PRKDC: variants seen among roughly 807,000 people sequenced by gnomAD.
The protein encoded by PRKDC is protein kinase, DNA-activated, catalytic subunit, also known as DNA-dependent protein kinase catalytic subunit.
PRKDC carries 82 observed loss-of-function variants against 486.9 expected under a neutral mutation model. The ratio of observed to expected loss-of-function variants is 0.17; its 90% CI spans 0.14 to 0.20. The LOEUF (loss-of-function observed/expected upper bound fraction) is 0.20, where lower values mean the gene tolerates loss of function less well. Among genes scored for constraint, PRKDC ranks in the 10% least tolerant of loss-of-function variants. The pLI is 1.00. For synonymous variants in PRKDC, 1,895 were observed against 1,837.0 expected (o/e 1.03, Z -0.81); for missense variants, 4,504 against 5,038.2 (o/e 0.89, Z 3.21).
At position 47,953,837 on chromosome 8, in the gene PRKDC, G is replaced by A; in HGVS notation, c.591C>T (p.Phe197=). 6.4e-7 allele frequency: 1 copy of A among 1,571,578 alleles called. No individual in the cohort carries two copies. The highest frequency in any genetic ancestry group is 8.6e-7 in the Non-Finnish European group (1 of 1,156,280). ...SEMINNAENL[F]RAFLGELKTQ... is the part of the protein sequence containing the mutation. ...TCTTAAGTTCACCCAGAAAAGCGCG[G>A]AACAGGTTTTCTGCATTATTTATCA... The change falls in exon 6 of 86, where the codon TTC becomes TTT. Residue 197 remains phenylalanine (F), a synonymous_variant. Transcript: ENST00000314191.
At chr8:47,957,071 A>G in intron 3 of PRKDC, 100 bp downstream of exon 3, 1 of 793,564 alleles carries the variant, frequency 1.3e-6, no homozygotes, top group Non-Finnish European at 1.9e-6. Context: ...ATGAGAAAGG[A>G]AAATGTTTTA....
intron 78 of PRKDC, among the ~76,000 whole-genome samples, chr8:47,783,399 C>A (rs901836021): frequency 6.6e-6 from 1 of 151,734 alleles, no homozygotes; most frequent in Non-Finnish European, 1.5e-5. Flanking sequence ...ACCAGCCTAG[C>A]CAACATGGTG....
rs996090132 is a variant in PRKDC at position 47,882,882 on chromosome 8, C to T, written c.4777-785G>A. On this transcript the variant is annotated intron_variant, in intron 36 of 85. Transcript: ENST00000314191. ...CTTTTCAATGTGTCTGTCATTAATT[C>T]GTCATCAAACTCTCCCAAGTTATGA... Among the ~76,000 whole-genome samples, 5 of 152,212 alleles carry T rather than the reference C, an allele frequency of 3.3e-5. 1 individual carries two copies. The highest frequency in any genetic ancestry group is 4.4e-5 in the Non-Finnish European group (3 of 68,038).
intron 40 of PRKDC, among the ~76,000 whole-genome samples, chr8:47,867,483 T>C (rs1268124471): frequency 6.6e-6 from 1 of 152,232 alleles, no homozygotes; most frequent in Non-Finnish European, 1.5e-5. Context: ...TGTATATCCT[T>C]AGATGGCATG....
At chr8:47,906,047 T>C (rs2089774461) in intron 25 of PRKDC, among the ~76,000 whole-genome samples, 2 of 152,228 alleles carry the variant, frequency 1.3e-5, no homozygotes, top group Admixed American at 6.5e-5. Flanking sequence ...ACCCTCATTA[T>C]ACATGAGAGT....
chr8:47,877,233 C>T (rs961263083), intron 40 of PRKDC, among the ~76,000 whole-genome samples: 6 of 152,148 alleles, frequency 3.9e-5, no homozygotes, highest in Non-Finnish European at 7.4e-5. Flanking sequence ...CAGTGAAATG[C>T]CATGTATGAA....
chr8:47,869,109 G>A (rs1263135608), intron 40 of PRKDC, among the ~76,000 whole-genome samples: 2 of 152,124 alleles, frequency 1.3e-5, no homozygotes, highest in African/African-American at 4.8e-5. Context: ...GACAACAATT[G>A]CAATTCTTGG....
intron 41 of PRKDC, among the ~76,000 whole-genome samples, chr8:47,864,083 TGAG>T (rs928787412): frequency 2.0e-5 from 3 of 152,136 alleles, no homozygotes; most frequent in Non-Finnish European, 4.4e-5. Context: ...GGCCTTGTGA[TGAG>T]GAGATTATTT....
Position 47,886,086 on chromosome 8 carries a change from C to G in PRKDC, c.4634G>C (p.Ser1545Thr). 6.2e-7 allele frequency: 1 copy of G among 1,613,612 alleles called. No individual in the cohort carries two copies. ...PAVLSTASLG[S>T]SQGSVIHFSH... is the part of the protein sequence containing the mutation. ...GAAGTGGATGACGCTGCCCTGTGAG[C>G]TGCCCAAGGACGCCGTGGACAGCAC... Residue 1545 changes from serine (S) to threonine (T), a missense_variant, in exon 36 of 86, where the codon AGC (serine) becomes ACC (threonine). By Grantham distance (58) the Ser-to-Thr change is moderately conservative. This residue lies in a region of PRKDC where 1,969 missense variants were observed against 2,068.9 expected (regional missense o/e 0.95). Transcript: ENST00000314191.
chr8:47,789,097 T>A (rs751524145), intron 75 of PRKDC, 48 bp from the exon 76 acceptor site: 1 of 1,612,784 alleles, frequency 6.2e-7, no homozygotes, highest in South Asian at 1.1e-5. Context: ...TAGATTGCAA[T>A]TAAGTTTTAC....
chr8:47,882,981 A>G (rs1424195430), intron 36 of PRKDC, among the ~76,000 whole-genome samples: 1 of 152,214 alleles, frequency 6.6e-6, no homozygotes, highest in African/African-American at 2.4e-5. Flanking sequence ...TTGATCTGCA[A>G]TGCTGGTGCT....
At chr8:47,774,727 G>A (rs943084323) in intron 85 of PRKDC, among the ~76,000 whole-genome samples, 1 of 151,950 alleles carries the variant, frequency 6.6e-6, no homozygotes, top group African/African-American at 2.4e-5. Flanking sequence ...AGAGTATGAG[G>A]AGTCCACCTT....
intron 68 of PRKDC, among the ~76,000 whole-genome samples, chr8:47,810,066 T>C (rs1228419199): frequency 6.6e-6 from 1 of 152,146 alleles, no homozygotes; most frequent in African/African-American, 2.4e-5. Context: ...CCCTGAAGTG[T>C]GCATGTGCAG....
intron 68 of PRKDC, among the ~76,000 whole-genome samples, chr8:47,807,609 G>A (rs965162048): frequency 4.6e-5 from 7 of 151,550 alleles, no homozygotes; most frequent in African/African-American, 1.5e-4. Context: ...TAGTAGAGAC[G>A]GGGTTTCACT....
intron 73 of PRKDC, 85 bp from the exon 74 acceptor site, chr8:47,794,586 A>G: frequency 8.3e-7 from 1 of 1,207,282 alleles, no homozygotes; most frequent in African/African-American, 1.5e-5. Flanking sequence ...AAATAAAGAA[A>G]ACTCAGAAGT....
chr8:47,835,563 G>A (rs2087996861), intron 58 of PRKDC, among the ~76,000 whole-genome samples: 1 of 122,594 alleles, frequency 8.2e-6, no homozygotes, highest in Non-Finnish European at 1.6e-5. Context: ...GTTGCAGTGA[G>A]CCAAGATCGT....
chr8:47,907,198 G>A (rs1056664626), intron 25 of PRKDC, among the ~76,000 whole-genome samples: 2 of 150,966 alleles, frequency 1.3e-5, no homozygotes, highest in African/African-American at 4.8e-5. Flanking sequence ...CCGCCACCAC[G>A]CCCGGCTAAT....
At position 47,957,299 on chromosome 8, in the gene PRKDC, A is replaced by T. The variant is rs2090720005; in HGVS notation, c.232-36T>A. 4 of 1,575,798 alleles carry T rather than the reference A, an allele frequency of 2.5e-6. No homozygotes were observed. The South Asian group carries it at 4.5e-5, about 18-fold the overall frequency. ...AGAGATACATATTGTAAATATGGGT[A>T]AGAGGAGTCACTCCAGGAATATACA... On this transcript the variant is annotated intron_variant, in intron 2 of 85. Transcript: ENST00000314191.
In PRKDC at chr8:47,858,877, C is replaced by T. The variant is rs748117775; in HGVS notation, c.6317G>A (p.Arg2106Lys). The change falls in exon 47 of 86, where the codon AGA becomes AAA. Residue 2106 changes from arginine to lysine, a missense_variant. Transcript: ENST00000314191. ...PLTALVKHMHRSLGPPQGEED... is the reference protein window; with the variant it reads ...PLTALVKHMHKSLGPPQGEED... ...TTCTCCTTGAGGCGGGCCCAGGCTT[C>T]TGTGCATGTGCTTGACCAGGGCCGT... 1 of 1,613,870 alleles carries T rather than the reference C, an allele frequency of 6.2e-7. No individual in the cohort carries two copies. The highest frequency in any genetic ancestry group is 8.5e-7 in the Non-Finnish European group (1 of 1,179,860).
Sources: allele counts gnomAD v4.1 joint callset (sites outside exome capture counted in the v4.1 genomes callset), GRCh38; gene constraint gnomAD v4.1.1; regional missense constraint gnomAD v4.1.1; transcripts MANE v1.5; gene names NCBI Gene and HGNC (gene_info 2026-07-23, HGNC 2026-07-21).